The following HHAT variants were observed in gnomAD, a reference collection of about 807,000 sequenced individuals.
HHAT encodes the protein hedgehog acyltransferase, also known as protein-cysteine N-palmitoyltransferase HHAT.
In HHAT, 47 loss-of-function variants were observed where a neutral mutation model predicts 70.8. The observed-to-expected ratio is 0.66, with a 90% CI of 0.53 to 0.85. The LOEUF is 0.85. Among genes scored for constraint, HHAT ranks in the 40% least tolerant of loss-of-function variants. The pLI is 0.00. For synonymous variants in HHAT, 228 were observed against 247.6 expected, an observed-to-expected ratio of 0.92 and a Z score of 0.74; for missense variants, 609 against 604.8, an observed-to-expected ratio of 1.01 and a Z score of -0.07.
At chr1:210,484,293 A>G (rs2094441955) in intron 8 of HHAT, among the ~76,000 whole-genome samples, 1 of 152,152 alleles carries the variant, frequency 6.6e-6, no homozygotes, top group Non-Finnish European at 1.5e-5. Flanking sequence ...TATTTAATAG[A>G]ACACTCATAA....
At chr1:210,600,024 C>G (rs1395866610) in intron 10 of HHAT, among the ~76,000 whole-genome samples, 1 of 152,196 alleles carries the variant, frequency 6.6e-6, no homozygotes, top group Admixed American at 6.5e-5. Flanking sequence ...CCCTCCACCC[C>G]TATTCATCCT....
In HHAT at chr1:210,550,516, G is replaced by A. The variant is rs114528414; in HGVS notation, c.1043+37328G>A. Among the ~76,000 whole-genome samples, 47 of 149,100 alleles carry A rather than the reference G, an allele frequency of 3.2e-4. 4 individuals carry two copies. Among genetic ancestry groups the A allele is most frequent in the East Asian group, 1.1e-3 (5 of 4,464 alleles). The stretch of plus-strand genomic sequence containing the variant: ...GATATGAAGCTGTGAGCACGGTAAC[G>A]AGCACATAGTAGGTATTCAGTTAAT... On this transcript the variant is annotated intron_variant, in intron 9 of 11. Transcript: ENST00000261458.
intron 11 of HHAT, among the ~76,000 whole-genome samples, chr1:210,624,215 A>G (rs1573821781): frequency 6.6e-6 from 1 of 152,180 alleles, no homozygotes. Context: ...TCATCACGTG[A>G]TGCCCTGTGC....
chr1:210,565,610 G>A (rs889196514), intron 9 of HHAT, among the ~76,000 whole-genome samples: 7 of 152,138 alleles, frequency 4.6e-5, no homozygotes, highest in Non-Finnish European at 1.0e-4. Flanking sequence ...CAGTGAGAGA[G>A]TTTGGAATCA....
At chr1:210,363,499 T>C (rs2088583236) in intron 3 of HHAT, among the ~76,000 whole-genome samples, 1 of 152,192 alleles carries the variant, frequency 6.6e-6, no homozygotes, top group South Asian at 2.1e-4. Flanking sequence ...AGAGTATATA[T>C]TCTGGGTAGG....
chr1:210,388,186 G>C (rs2091219691), intron 4 of HHAT, among the ~76,000 whole-genome samples: 1 of 152,190 alleles, frequency 6.6e-6, no homozygotes. Context: ...TTGCCCAGAG[G>C]CCTCTGATAA....
At chr1:210,546,487 A>C (rs1293535163) in intron 9 of HHAT, among the ~76,000 whole-genome samples, 1 of 152,182 alleles carries the variant, frequency 6.6e-6, no homozygotes, top group Admixed American at 6.5e-5. Context: ...AGATGAGTGC[A>C]TGCTTGGAAA....
At chr1:210,418,575 A>T (rs1333755364) in intron 7 of HHAT, among the ~76,000 whole-genome samples, 2 of 152,106 alleles carry the variant, frequency 1.3e-5, no homozygotes, top group Admixed American at 6.6e-5. Context: ...CTGTAATGGG[A>T]TCCTACTGAC....
Position 210,438,206 on chromosome 1 carries a change from G to A in HHAT, c.856+19881G>A, listed in dbSNP as rs1160362319. Among the ~76,000 whole-genome samples, 4 of 150,620 alleles carry A rather than the reference G, an allele frequency of 2.7e-5. No individual in the cohort carries two copies. The East Asian group carries it at 7.7e-4, about 29-fold the overall frequency. On this transcript the variant is annotated intron_variant, in intron 7 of 11. Transcript: ENST00000261458. ...TGTGTGTGTGTGTGTATACACATGTGTATGTATCCATTGATAATGGAATGC... is the reference window on the plus strand; with the variant it reads ...TGTGTGTGTGTGTGTATACACATGTATATGTATCCATTGATAATGGAATGC...
At chr1:210,608,954 A>T (rs1453090589) in intron 10 of HHAT, among the ~76,000 whole-genome samples, 1 of 152,146 alleles carries the variant, frequency 6.6e-6, no homozygotes, top group African/African-American at 2.4e-5. Flanking sequence ...TCACAAGGCT[A>T]AAAGAGGAAG....
At chr1:210,435,715 A>T (rs1024748387) in intron 7 of HHAT, among the ~76,000 whole-genome samples, 12 of 151,828 alleles carry the variant, frequency 7.9e-5, no homozygotes, top group Admixed American at 1.3e-4. Flanking sequence ...TGTAATGATT[A>T]GTTATGTTGA....
intron 2 of HHAT, among the ~76,000 whole-genome samples, chr1:210,359,674 A>G (rs1433976121): frequency 2.0e-5 from 3 of 152,094 alleles, no homozygotes; most frequent in South Asian, 2.1e-4. Flanking sequence ...CCTGACCAAC[A>G]TGGGGTTTTA....
chr1:210,669,477 A>C (rs1381386173), intron 11 of HHAT, among the ~76,000 whole-genome samples: 1 of 152,236 alleles, frequency 6.6e-6, no homozygotes, highest in African/African-American at 2.4e-5. Context: ...TATGCCACCT[A>C]CATTGGTCCT....
chr1:210,424,561 A>G (rs953285227), intron 7 of HHAT, among the ~76,000 whole-genome samples: 3 of 142,442 alleles, frequency 2.1e-5, no homozygotes, highest in Admixed American at 7.3e-5. Flanking sequence ...CTGAGTACTC[A>G]TTAGTTATTT....
intron 7 of HHAT, among the ~76,000 whole-genome samples, chr1:210,460,432 A>G (rs2093955313): frequency 6.6e-6 from 1 of 152,194 alleles, no homozygotes; most frequent in South Asian, 2.1e-4. Context: ...AGCACCTAGA[A>G]CCATGCTTGG....
At chr1:210,654,084 T>C (rs951747962) in intron 11 of HHAT, among the ~76,000 whole-genome samples, 1 of 580 alleles carries the variant, frequency 1.7e-3, no homozygotes, top group South Asian at 0.045. Context: ...GTGACGGGAG[T>C]AGTGTGACAG....
At chr1:210,380,538 G>A (rs1318581759) in intron 3 of HHAT, among the ~76,000 whole-genome samples, 3 of 151,740 alleles carry the variant, frequency 2.0e-5, no homozygotes, top group East Asian at 3.9e-4. Flanking sequence ...AGACTCTGTC[G>A]CAAAAAATAA....
chr1:210,433,764 A>G (rs2148333007), intron 7 of HHAT, among the ~76,000 whole-genome samples: 1 of 152,026 alleles, frequency 6.6e-6, no homozygotes, highest in East Asian at 1.9e-4. Flanking sequence ...GTTGATGATG[A>G]TTATTAATTT....
chr1:210,655,369 C>T (rs1574035611), intron 11 of HHAT, among the ~76,000 whole-genome samples: 1 of 152,214 alleles, frequency 6.6e-6, no homozygotes, highest in East Asian at 1.9e-4. Flanking sequence ...CCTGTTCTGT[C>T]TCCTCTGACC....
Sources: allele counts gnomAD v4.1 joint callset (sites outside exome capture counted in the v4.1 genomes callset), GRCh38; gene constraint gnomAD v4.1.1; transcripts MANE v1.5; gene names NCBI Gene and HGNC (gene_info 2026-07-23, HGNC 2026-07-21).